COL15A1: variants seen among roughly 807,000 people sequenced by gnomAD.
COL15A1 encodes collagen type XV alpha 1 chain.
In COL15A1, 111 loss-of-function variants were observed where a neutral mutation model predicts 165.9. The observed-to-expected ratio is 0.67, with a 90% confidence interval of 0.57 to 0.78. COL15A1 has a LOEUF of 0.78. Among genes scored for constraint, COL15A1 ranks in the 30% least tolerant of loss-of-function variants. The probability of loss-of-function intolerance (pLI) is 0.00; values close to 1 mark genes in which losing one functional copy is unlikely to be tolerated. For synonymous variants in COL15A1, 659 were observed against 674.8 expected, an observed-to-expected ratio of 0.98 and a Z score of 0.36; for missense variants, 1,745 against 1,789.7, an observed-to-expected ratio of 0.98 and a Z score of 0.45.
chr9:99,033,314 C>T (rs988532465), intron 16 of COL15A1, among the ~76,000 whole-genome samples: 1 of 149,058 alleles, frequency 6.7e-6, no homozygotes, highest in Non-Finnish European at 1.5e-5. Context: ...GGGCTCTGCC[C>T]TATGTCTTTA....
chr9:99,019,198 G>C (rs1838986419), intron 11 of COL15A1, among the ~76,000 whole-genome samples: 1 of 152,004 alleles, frequency 6.6e-6, no homozygotes, highest in Non-Finnish European at 1.5e-5. Context: ...TTTTGTTTCT[G>C]TTTTTGTTTT....
Position 99,015,450 on chromosome 9 carries a change from G to A in COL15A1, c.1387G>A (p.Ala463Thr), listed in dbSNP as rs745757992. ...CAGTGAAGACAGTTTAACAACAGCT[G>A]CAGCTGCAACCGAAGTGTCCCTCAG... The part of the protein sequence containing the change: ...PSSEDSLTTA[A>T]AATEVSLSTF... The change falls in exon 10 of 42, where the codon GCA becomes ACA. Residue 463 changes from alanine to threonine, a missense_variant. By Grantham distance (58) the Ala-to-Thr change is moderately conservative (BLOSUM62 0). Transcript: ENST00000375001. The A allele has an allele frequency of 6.2e-7, 1 of 1,607,888 alleles. No individual in the cohort carries two copies. Among genetic ancestry groups the A allele is most frequent in the Non-Finnish European group, 8.5e-7 (1 of 1,175,142 alleles).
At chr9:98,944,621 A>G (rs1837547387) in intron 2 of COL15A1, among the ~76,000 whole-genome samples, 1 of 152,274 alleles carries the variant, frequency 6.6e-6, no homozygotes, top group African/African-American at 2.4e-5. Context: ...GCTTCTGGTA[A>G]GGGCAGGTCT....
chr9:98,988,208 C>T (rs1258214376), intron 4 of COL15A1, among the ~76,000 whole-genome samples: 2 of 152,150 alleles, frequency 1.3e-5, no homozygotes, highest in Non-Finnish European at 2.9e-5. Flanking sequence ...AAAATGCTGT[C>T]GATTTCGTTG....
At chr9:98,985,141 G>A (rs572552576) in intron 2 of COL15A1, among the ~76,000 whole-genome samples, 1 of 152,116 alleles carries the variant, frequency 6.6e-6, no homozygotes, top group South Asian at 2.1e-4. Context: ...GTCGATGGGT[G>A]AACATTATAT....
At chr9:99,062,989 A>C (rs2010154840) in intron 38 of COL15A1, 61 bp from the exon 39 acceptor site, 5 of 1,542,258 alleles carry the variant, frequency 3.2e-6, no homozygotes. Context: ...ACCTCAATAC[A>C]CTCTGAAGAA....
intron 26 of COL15A1, 38 bp downstream of exon 26, chr9:99,044,808 G>GTTTGAAGCATT: frequency 1.3e-6 from 2 of 1,585,548 alleles, no homozygotes; most frequent in Non-Finnish European, 1.7e-6. Flanking sequence ...CTGGGCTGGG[G>GTTTGAAGCATT]TTTGAAGCAT....
In COL15A1 at chr9:99,052,256, C is replaced by T. The variant is rs1588534879; in HGVS notation, c.2905-132C>T. ...TGGGGACTCAGGGCTTTGGGGGACT[C>T]CAGAGCCAAAGGAAGGCCTGACTCT... On this transcript the variant is annotated intron_variant, in intron 30 of 41. Coordinates refer to ENST00000375001, the MANE Select transcript of COL15A1 (RefSeq NM_001855.5). 1.1e-5 allele frequency: 8 copies of T among 729,160 alleles called. No homozygotes were observed. In the East Asian group the frequency reaches 1.7e-4, roughly 16 times the overall value. The allele number at this position is 729,160 out of a possible 1,614,324, so 45.2% of individuals were successfully genotyped here.
chr9:99,037,124 A>G (rs1443498397), intron 21 of COL15A1, among the ~76,000 whole-genome samples: 1 of 152,230 alleles, frequency 6.6e-6, no homozygotes, highest in Non-Finnish European at 1.5e-5. Context: ...ATGTCCACAC[A>G]AATGGAGGAA....
chr9:98,948,320 C>T (rs542129134), intron 2 of COL15A1, among the ~76,000 whole-genome samples: 6 of 152,258 alleles, frequency 3.9e-5, no homozygotes, highest in African/African-American at 1.2e-4. Context: ...ACTTGTCGGC[C>T]GGGCGCGGTG....
chr9:99,037,631 C>T (rs1341114780), intron 21 of COL15A1, among the ~76,000 whole-genome samples: 2 of 152,022 alleles, frequency 1.3e-5, no homozygotes, highest in East Asian at 1.9e-4. Flanking sequence ...AAGGAGCCTC[C>T]AGTGAGGTCA....
chr9:99,036,096 G>T (rs1839296310), intron 19 of COL15A1, 74 bp from the exon 20 acceptor site: 13 of 1,225,798 alleles, frequency 1.1e-5, no homozygotes, highest in Admixed American at 1.7e-5. Context: ...CTTAGGGGGA[G>T]ATGGTGAGAC....
At chr9:99,004,661 G>T (rs369157786) in intron 8 of COL15A1, among the ~76,000 whole-genome samples, 48 of 152,314 alleles carry the variant, frequency 3.2e-4, no homozygotes, top group Middle Eastern at 3.4e-3. Context: ...CTCGGGGTTG[G>T]CAGGGAGTGG....
chr9:99,021,710 C>T (rs1036148154), intron 12 of COL15A1, among the ~76,000 whole-genome samples: 1 of 152,156 alleles, frequency 6.6e-6, no homozygotes, highest in African/African-American at 2.4e-5. Context: ...GGTCACACGC[C>T]CTGGTGAGAG....
chr9:99,035,360 G>T lies in COL15A1; in HGVS notation c.2231G>T (p.Gly744Val). 1 of 1,614,122 alleles carries T rather than the reference G, an allele frequency of 6.2e-7. No individual in the cohort carries two copies. Among genetic ancestry groups the T allele is most frequent in the Non-Finnish European group, 8.5e-7 (1 of 1,180,026 alleles). Residue 744 changes from glycine to valine, a missense_variant, in exon 19 of 42, where the codon GGC (glycine) becomes GTC (valine). Coordinates refer to ENST00000375001, the MANE Select transcript of COL15A1 (RefSeq NM_001855.5). ...TMGLGFEDTE[G>V]SGSTQLLNEP... ...TTGCTCCTTCCCCAGGATACCGAAG[G>T]CTCTGGAAGCACCCAGCTATTGAAT...
At chr9:98,953,037 C>T (rs567156092) in intron 2 of COL15A1, among the ~76,000 whole-genome samples, 1 of 152,282 alleles carries the variant, frequency 6.6e-6, no homozygotes, top group Admixed American at 6.5e-5. Context: ...ATAATTTCTG[C>T]ATGGTATGAT....
Position 99,035,411 on chromosome 9 carries a change from C to T in COL15A1, c.2282C>T (p.Ala761Val), listed in dbSNP as rs748655341. ...GAACCCAAACTCTCCAGACCAACGG[C>T]TGCAATTGTAGGTCGCCTCTGAAAC... is the stretch of plus-strand genomic sequence containing the variant. ...LNEPKLSRPT[A>V]AIGLKGEKGD... The change falls in exon 19 of 42, where the codon GCT becomes GTT. Residue 761 changes from alanine to valine, a missense_variant. Transcript: ENST00000375001. The T allele has an allele frequency of 3.3e-5, 53 of 1,614,038 alleles. No individual in the cohort carries two copies. The highest frequency in any genetic ancestry group is 2.0e-5 in the Non-Finnish European group (24 of 1,180,042).
chr9:98,944,073 G>A lies in COL15A1; in HGVS notation c.11+1G>A. On this transcript the variant is annotated splice_donor_variant, in intron 1 of 41. Coordinates refer to ENST00000375001, the MANE Select transcript of COL15A1 (RefSeq NM_001855.5). LOFTEE classifies it high-confidence loss of function. Reference sequence around the variant, plus strand: ...CGCAGACCCGCGAGATGGCACCAAGGTAAGACCCGCTTCTCTGCTTCCTCG... The same window carrying A: ...CGCAGACCCGCGAGATGGCACCAAGATAAGACCCGCTTCTCTGCTTCCTCG... The A allele has an allele frequency of 1.2e-6, 2 of 1,614,148 alleles. No individual in the cohort carries two copies. The highest frequency in any genetic ancestry group is 1.7e-6 in the Non-Finnish European group (2 of 1,179,976).
At chr9:98,989,023 GACACACACACACAC>G (rs67974914) in intron 4 of COL15A1, among the ~76,000 whole-genome samples, 141 bp from the exon 5 acceptor site, 14 of 144,392 alleles carry the variant, frequency 9.7e-5, no homozygotes, top group South Asian at 6.9e-4. Context: ...GTCTCTCATA[GACACACACACACAC>G]ACACACACAC....
Sources: gnomAD v4.1 joint callset for allele counts (sites outside exome capture counted in the v4.1 genomes callset) on GRCh38, gnomAD v4.1.1 for gene constraint, MANE v1.5 for transcripts, NCBI Gene and HGNC (gene_info 2026-07-23, HGNC 2026-07-21) for gene names.